Variants in MAD1L1 observed in about 807,000 individuals in gnomAD.
MAD1L1 encodes mitotic spindle assembly checkpoint protein MAD1.
A neutral mutation model predicts 96.9 loss-of-function variants in MAD1L1; 95 were observed. The ratio of observed to expected loss-of-function variants is 0.98; its 90% CI spans 0.83 to 1.16. MAD1L1 has a LOEUF of 1.16. Among genes scored for constraint, MAD1L1 ranks in the 50% most tolerant of loss-of-function variants. The pLI is 0.00. For missense variants in MAD1L1, 1,007 were observed against 954.4 expected, an observed-to-expected ratio of 1.06 and a Z score of -0.73; for synonymous variants, 473 against 396.6, an observed-to-expected ratio of 1.19 and a Z score of -2.29.
intron 12 of MAD1L1, among the ~76,000 whole-genome samples, chr7:2,065,086 G>A (rs1459235406): frequency 6.6e-6 from 1 of 152,246 alleles, no homozygotes; most frequent in African/African-American, 2.4e-5. Flanking sequence ...GAGGACAGAG[G>A]CTTCTTCTAG....
intron 16 of MAD1L1, among the ~76,000 whole-genome samples, chr7:1,945,096 C>T (rs1779167653): frequency 6.6e-6 from 1 of 152,154 alleles, no homozygotes; most frequent in African/African-American, 2.4e-5. Context: ...GGCCAGGCCT[C>T]CGTCTCTCTC....
At chr7:1,851,250 C>T (rs1225731617) in intron 18 of MAD1L1, among the ~76,000 whole-genome samples, 1 of 152,124 alleles carries the variant, frequency 6.6e-6, no homozygotes, top group Non-Finnish European at 1.5e-5. Flanking sequence ...GGGTGACCCA[C>T]GCCCAGACCA....
chr7:2,187,356 A>T (rs1006571166), intron 10 of MAD1L1, among the ~76,000 whole-genome samples: 1 of 152,178 alleles, frequency 6.6e-6, no homozygotes, highest in African/African-American at 2.4e-5. Context: ...CTCCAAAAAA[A>T]CAAGGAATAA....
intron 18 of MAD1L1, among the ~76,000 whole-genome samples, chr7:1,864,622 C>A (rs1340022805): frequency 6.6e-6 from 1 of 152,236 alleles, no homozygotes; most frequent in Non-Finnish European, 1.5e-5. Flanking sequence ...TTCCCCCATG[C>A]GGGGCTGTGG....
chr7:1,873,758 C>T (rs117328189), intron 18 of MAD1L1, among the ~76,000 whole-genome samples: 4,240 of 151,978 alleles, frequency 0.028, 111 homozygotes, highest in Non-Finnish European at 0.045. Context: ...GACACCCCCA[C>T]CGAAGCCCAA....
Position 1,936,867 on chromosome 7 carries a change from G to A in MAD1L1, c.1627C>T (p.Leu543=), listed in dbSNP as rs1279697670. The change falls in exon 17 of 19, where the codon CTG becomes TTG. Residue 543 remains leucine (L), a synonymous_variant. Coordinates refer to ENST00000265854, the MANE Select transcript of MAD1L1 (RefSeq NM_001013836.2). ...GDYDQSRTKV[L]HMSLNPTSVA... is the part of the protein sequence containing the mutation. Reference sequence around the variant, plus strand: ...CTGGTGGGGTTCAGGCTCATGTGCAGCACTTTGGTCCTGCTCTGGTCATAG... The same window carrying A: ...CTGGTGGGGTTCAGGCTCATGTGCAACACTTTGGTCCTGCTCTGGTCATAG... 4 of 1,605,178 alleles carry A rather than the reference G, an allele frequency of 2.5e-6. No individual in the cohort carries two copies. The highest frequency in any genetic ancestry group is 3.4e-6 in the Non-Finnish European group (4 of 1,175,992).
chr7:2,107,224 C>T (rs539907583), intron 11 of MAD1L1, among the ~76,000 whole-genome samples: 1 of 152,306 alleles, frequency 6.6e-6, no homozygotes, highest in South Asian at 2.1e-4. Flanking sequence ...GCGGGACAGT[C>T]AGAGTTGGTG....
intron 18 of MAD1L1, among the ~76,000 whole-genome samples, chr7:1,885,900 C>A (rs914000021): frequency 6.6e-6 from 1 of 152,230 alleles, no homozygotes; most frequent in Admixed American, 6.5e-5. Context: ...CAGCAGGGAC[C>A]CCTGCCCGGC....
chr7:1,988,665 G>C (rs927633518), intron 14 of MAD1L1, among the ~76,000 whole-genome samples: 2 of 152,226 alleles, frequency 1.3e-5, no homozygotes, highest in African/African-American at 4.8e-5. Flanking sequence ...CGCACAGCGT[G>C]GCTGGGGAGG....
chr7:2,052,422 A>G (rs972123862), intron 12 of MAD1L1, among the ~76,000 whole-genome samples: 5 of 150,252 alleles, frequency 3.3e-5, no homozygotes, highest in African/African-American at 1.3e-4. Flanking sequence ...CGGACAGCTC[A>G]CTAGGGCCCA....
intron 10 of MAD1L1, among the ~76,000 whole-genome samples, chr7:2,208,124 C>T (rs1356529077): frequency 6.6e-6 from 1 of 152,190 alleles, no homozygotes; most frequent in Non-Finnish European, 1.5e-5. Context: ...TTAAGCTTCT[C>T]AGTGTACAAA....
chr7:1,920,247 C>T (rs191292060), intron 17 of MAD1L1, among the ~76,000 whole-genome samples: 3 of 152,150 alleles, frequency 2.0e-5, no homozygotes, highest in East Asian at 3.9e-4. Context: ...TGCGTGCGTG[C>T]GTGCGTGTGC....
At chr7:1,888,611 T>C (rs1191897924) in intron 18 of MAD1L1, among the ~76,000 whole-genome samples, 1 of 151,976 alleles carries the variant, frequency 6.6e-6, no homozygotes, top group African/African-American at 2.4e-5. Flanking sequence ...TGCCTATGCA[T>C]GTGTGAGCAT....
At chr7:2,089,163 GCT>G (rs1240973678) in intron 11 of MAD1L1, 1 of 152,256 alleles carries the variant, frequency 6.6e-6, no homozygotes, top group African/African-American at 2.4e-5. Flanking sequence ...CGGAGACACA[GCT>G]CTCTGTGGCC....
chr7:2,078,240 G>C (rs1785473049), intron 11 of MAD1L1, among the ~76,000 whole-genome samples: 1 of 152,184 alleles, frequency 6.6e-6, no homozygotes, highest in Non-Finnish European at 1.5e-5. Flanking sequence ...CTACAGGGTT[G>C]AGAGGGTCCC....
At chr7:1,920,473 AG>A (rs1297213695) in intron 17 of MAD1L1, among the ~76,000 whole-genome samples, 1 of 152,228 alleles carries the variant, frequency 6.6e-6, no homozygotes, top group Non-Finnish European at 1.5e-5. Flanking sequence ...TGGTTAAAAC[AG>A]GAAGACCCGC....
intron 18 of MAD1L1, among the ~76,000 whole-genome samples, chr7:1,853,860 C>T (rs948910774): frequency 6.6e-6 from 1 of 152,192 alleles, no homozygotes; most frequent in African/African-American, 2.4e-5. Flanking sequence ...GGGCAGGCCC[C>T]ACCTGGCCGT....
At chr7:1,918,390 G>A (rs527888165) in intron 17 of MAD1L1, among the ~76,000 whole-genome samples, 168 of 152,284 alleles carry the variant, frequency 1.1e-3, no homozygotes, top group African/African-American at 3.7e-3. Context: ...CCTCGGCTCC[G>A]TCTTGGGGCC....
At chr7:1,852,846 A>T (rs913716329) in intron 18 of MAD1L1, among the ~76,000 whole-genome samples, 1 of 151,520 alleles carries the variant, frequency 6.6e-6, no homozygotes, top group Non-Finnish European at 1.5e-5. Flanking sequence ...AACAAATGAG[A>T]CTCTGAGAGC....
Sources: allele counts gnomAD v4.1 joint callset (sites outside exome capture counted in the v4.1 genomes callset), GRCh38; gene constraint gnomAD v4.1.1; transcripts MANE v1.5; gene names NCBI Gene and HGNC (gene_info 2026-07-23, HGNC 2026-07-21).